Variants in PHTF1 observed in about 807,000 individuals in gnomAD.
PHTF1 encodes putative homeodomain transcription factor 1.
A neutral mutation model predicts 102.4 loss-of-function variants in PHTF1; 88 were observed. The observed-to-expected ratio is 0.86, with a 90% confidence interval of 0.72 to 1.03. The LOEUF (loss-of-function observed/expected upper bound fraction) is 1.03. Ranked by LOEUF, PHTF1 falls within the 50% of genes least tolerant of loss-of-function variation. The probability of loss-of-function intolerance (pLI) is 0.00; values close to 1 mark genes in which losing one functional copy is unlikely to be tolerated. For missense variants in PHTF1, 814 were observed against 909.5 expected, an observed-to-expected ratio of 0.89 and a Z score of 1.35; for synonymous variants, 289 against 305.2, an observed-to-expected ratio of 0.95 and a Z score of 0.55.
At chr1:113,758,868 CAACA>C (rs1362816247) in intron 1 of PHTF1, 135 bp from the exon 2 acceptor site, 33 of 1,286,886 alleles carry the variant, frequency 2.6e-5, no homozygotes, top group East Asian at 2.4e-4. Context: ...AGGGAAAACA[CAACA>C]AACAAACAAA....
chr1:113,738,230 T>C lies in PHTF1; in HGVS notation c.211A>G (p.Thr71Ala), dbSNP rs762168955. Residue 71 changes from threonine to alanine, a missense_variant, in exon 5 of 19, where the codon ACA becomes GCA. Coordinates refer to ENST00000369604, the MANE Select transcript of PHTF1 (RefSeq NM_001323043.2). ...FAKAKPEIPW[T>A]SLTRKGLVRV... ...ACAAGCCCCTTCCGAGTCAGAGATG[T>C]CCATGGAATTTCAGGTTTTGCTTTG... The C allele has an allele frequency of 2.5e-6, 4 of 1,613,710 alleles. No homozygotes were observed. The highest frequency in any genetic ancestry group is 3.4e-6 in the Non-Finnish European group (4 of 1,179,842).
chr1:113,698,469 G>A, intron 17 of PHTF1, 82 bp from the exon 18 acceptor site: 1 of 1,242,902 alleles, frequency 8.0e-7, no homozygotes, highest in South Asian at 1.3e-5. Context: ...TTTTGTCTTG[G>A]GTATAGATGA....
intron 3 of PHTF1, among the ~76,000 whole-genome samples, chr1:113,742,018 C>A (rs1656445744): frequency 6.6e-6 from 1 of 152,268 alleles, no homozygotes; most frequent in South Asian, 2.1e-4. Flanking sequence ...TTCCACCGTG[C>A]ATGTATGTGT....
intron 3 of PHTF1, among the ~76,000 whole-genome samples, chr1:113,747,664 G>A (rs962365345): frequency 6.6e-6 from 1 of 152,188 alleles, no homozygotes; most frequent in Non-Finnish European, 1.5e-5. Context: ...TGAATTTTGA[G>A]ACTCTAAGTT....
chr1:113,746,176 G>A (rs923858279), intron 3 of PHTF1, among the ~76,000 whole-genome samples: 8 of 152,164 alleles, frequency 5.3e-5, no homozygotes, highest in Non-Finnish European at 1.2e-4. Context: ...GGTTAGACCA[G>A]GTAATTAGAA....
At chr1:113,756,572 T>C (rs1658908281) in intron 3 of PHTF1, among the ~76,000 whole-genome samples, 1 of 152,158 alleles carries the variant, frequency 6.6e-6, no homozygotes, top group Non-Finnish European at 1.5e-5. Context: ...GAGAGTTATA[T>C]TCTTTTGAGG....
intron 3 of PHTF1, among the ~76,000 whole-genome samples, chr1:113,755,960 G>A (rs1044289311): frequency 1.3e-5 from 2 of 151,616 alleles, no homozygotes; most frequent in African/African-American, 4.8e-5. Context: ...CCAACTACTC[G>A]GGAGGCTGAG....
chr1:113,738,827 T>C, intron 3 of PHTF1, 28 bp from the exon 4 acceptor site: 1 of 1,438,132 alleles, frequency 7.0e-7, no homozygotes, highest in Non-Finnish European at 9.6e-7. Flanking sequence ...AAAAATAAAA[T>C]CAGAAATAAA....
At chr1:113,757,557 T>C (rs1317939568) in intron 3 of PHTF1, 142 bp downstream of exon 3, 12 of 639,010 alleles carry the variant, frequency 1.9e-5, no homozygotes, top group African/African-American at 5.5e-5. Flanking sequence ...CTTCTCATTA[T>C]GCTTGCACTG....
chr1:113,698,122 C>G, intron 18 of PHTF1, 140 bp downstream of exon 18: 1 of 661,686 alleles, frequency 1.5e-6, no homozygotes, highest in East Asian at 2.9e-5. Flanking sequence ...ATGCCTATTT[C>G]TTTACCTCAA....
intron 3 of PHTF1, among the ~76,000 whole-genome samples, chr1:113,752,753 G>A (rs150376701): frequency 5.9e-4 from 90 of 152,252 alleles, no homozygotes; most frequent in African/African-American, 1.8e-3. Flanking sequence ...AGTAAAGGCA[G>A]TTTTCATATT....
chr1:113,698,725 T>C (rs139090793), intron 17 of PHTF1, among the ~76,000 whole-genome samples: 287 of 152,080 alleles, frequency 1.9e-3, no homozygotes, highest in African/African-American at 6.8e-3. Context: ...AAATTGGAAA[T>C]TTTTTCACAG....
At chr1:113,720,772 G>T (rs1571149562) in intron 7 of PHTF1, among the ~76,000 whole-genome samples, 2 of 152,258 alleles carry the variant, frequency 1.3e-5, no homozygotes, top group Admixed American at 1.3e-4. Context: ...ATGTGCGGGT[G>T]CCCACCCCAC....
chr1:113,708,099 C>G (rs1650490849), intron 11 of PHTF1, among the ~76,000 whole-genome samples: 1 of 151,896 alleles, frequency 6.6e-6, no homozygotes, highest in Admixed American at 6.6e-5. Flanking sequence ...GCAAGCAATC[C>G]AGAAAGAAGA....
intron 3 of PHTF1, among the ~76,000 whole-genome samples, chr1:113,740,033 C>A (rs548876658): frequency 8.7e-4 from 132 of 152,288 alleles, no homozygotes; most frequent in African/African-American, 3.0e-3. Context: ...AACAGTGCTG[C>A]AATAAACATA....
At chr1:113,719,292 C>T (rs1363655824) in intron 7 of PHTF1, among the ~76,000 whole-genome samples, 4 of 152,156 alleles carry the variant, frequency 2.6e-5, no homozygotes, top group Admixed American at 2.6e-4. Flanking sequence ...CGTGAGCCAC[C>T]ACGCCTGGCC....
chr1:113,706,828 T>A, intron 11 of PHTF1, 106 bp from the exon 12 acceptor site: 1 of 599,408 alleles, frequency 1.7e-6, no homozygotes, highest in Non-Finnish European at 2.9e-6. Flanking sequence ...ACCACCTCTA[T>A]AATGCTGGTC....
chr1:113,752,430 C>G (rs28831807), intron 3 of PHTF1, among the ~76,000 whole-genome samples: 39,291 of 109,144 alleles, frequency 0.36, 7,564 homozygotes, highest in African/African-American at 0.51. Context: ...GACGGAGTCT[C>G]GTTCTGTCGT....
chr1:113,707,004 TAGGTCCATTTTTCCTTACTA>T (rs1310468628), intron 11 of PHTF1, among the ~76,000 whole-genome samples: 1 of 151,922 alleles, frequency 6.6e-6, no homozygotes, highest in Non-Finnish European at 1.5e-5. Context: ...CATGGCTCGC[TAGGTCCATTTTTCCTTACTA>T]AGCCATTCTC....
Sources: gnomAD v4.1 joint callset for allele counts (sites outside exome capture counted in the v4.1 genomes callset) on GRCh38, gnomAD v4.1.1 for gene constraint, MANE v1.5 for transcripts, NCBI Gene and HGNC (gene_info 2026-07-23, HGNC 2026-07-21) for gene names.